Variants in DAAM1 observed in about 807,000 individuals in gnomAD.
The protein encoded by DAAM1 is dishevelled associated activator of morphogenesis 1.
DAAM1 carries 52 observed loss-of-function variants against 130.0 expected under a neutral mutation model. That is an observed-to-expected ratio of 0.40 (90% CI 0.32 to 0.50). The LOEUF is 0.50. Among genes scored for constraint, DAAM1 ranks in the 20% least tolerant of loss-of-function variants. The pLI is 0.61. For synonymous variants in DAAM1, 452 were observed against 444.5 expected (o/e 1.02, Z -0.21); for missense variants, 1,134 against 1,303.8 (o/e 0.87, Z 2.01).
intron 17 of DAAM1, 45 bp downstream of exon 17, chr14:59,347,668 T>A: frequency 6.3e-7 from 1 of 1,576,206 alleles, no homozygotes; most frequent in South Asian, 1.1e-5. Context: ...AAAGCGACCA[T>A]CAACAGGGAG....
At chr14:59,315,006 T>G (rs1487231098) in intron 3 of DAAM1, among the ~76,000 whole-genome samples, 2 of 152,178 alleles carry the variant, frequency 1.3e-5, no homozygotes, top group African/African-American at 2.4e-5. Context: ...TTACACCACT[T>G]AAATTCTTCT....
At chr14:59,246,916 G>T (rs1881407642) in intron 1 of DAAM1, among the ~76,000 whole-genome samples, 1 of 152,004 alleles carries the variant, frequency 6.6e-6, no homozygotes. Flanking sequence ...GTTTTTTGTT[G>T]TTGGATTGTA....
intron 3 of DAAM1, among the ~76,000 whole-genome samples, chr14:59,298,098 T>C (rs541862617): frequency 6.6e-6 from 1 of 152,288 alleles, no homozygotes; most frequent in Admixed American, 6.5e-5. Flanking sequence ...AAAAATAAAA[T>C]TGTTCTGTTT....
At chr14:59,277,964 C>G (rs184829805) in intron 2 of DAAM1, among the ~76,000 whole-genome samples, 1 of 152,022 alleles carries the variant, frequency 6.6e-6, no homozygotes, top group Non-Finnish European at 1.5e-5. Context: ...TAGTACTGAA[C>G]GCTATATATA....
chr14:59,281,008 C>T lies in DAAM1; in HGVS notation c.184-10209C>T, dbSNP rs1883191230. 1.3e-5 allele frequency among the ~76,000 whole-genome samples: 2 copies of T among 150,914 alleles called. 1 individual carries two copies. Among genetic ancestry groups the T allele is most frequent in the South Asian group, 4.2e-4 (2 of 4,706 alleles). On this transcript the variant is annotated intron_variant, in intron 2 of 24. Coordinates refer to ENST00000360909, the MANE Select transcript of DAAM1 (RefSeq NM_001270520.2). ...TTCAGAATGCAAATATAACCTGTCACCTTCCCCTCACCAGACATTTCCTGC... is the reference window on the plus strand; with the variant it reads ...TTCAGAATGCAAATATAACCTGTCATCTTCCCCTCACCAGACATTTCCTGC...
chr14:59,312,310 A>G (rs1884629890), intron 3 of DAAM1, among the ~76,000 whole-genome samples: 1 of 152,198 alleles, frequency 6.6e-6, no homozygotes, highest in Non-Finnish European at 1.5e-5. Flanking sequence ...TGTTTTGTGT[A>G]TACTCTTCCC....
intron 12 of DAAM1, among the ~76,000 whole-genome samples, chr14:59,328,624 C>A (rs1177714387): frequency 6.6e-6 from 1 of 152,206 alleles, no homozygotes; most frequent in Non-Finnish European, 1.5e-5. Context: ...CCAGTCTCGA[C>A]CTTTGCAACC....
At chr14:59,319,726 A>G (rs1457789440) in intron 4 of DAAM1, among the ~76,000 whole-genome samples, 1 of 152,150 alleles carries the variant, frequency 6.6e-6, no homozygotes, top group Non-Finnish European at 1.5e-5. Flanking sequence ...TCAATTTTAT[A>G]ATAACAACTG....
intron 2 of DAAM1, among the ~76,000 whole-genome samples, chr14:59,283,356 TCA>T (rs1480952982): frequency 1.3e-5 from 2 of 152,182 alleles, no homozygotes; most frequent in African/African-American, 4.8e-5. Context: ...AATAATTACT[TCA>T]CATATATAAT....
At chr14:59,248,280 A>G (rs1881483669) in intron 1 of DAAM1, among the ~76,000 whole-genome samples, 1 of 151,790 alleles carries the variant, frequency 6.6e-6, no homozygotes, top group Admixed American at 6.6e-5. Flanking sequence ...CTTCCTTCAC[A>G]TTTCCCTCTT....
At chr14:59,229,592 C>T (rs1889042848) in intron 1 of DAAM1, among the ~76,000 whole-genome samples, 1 of 152,118 alleles carries the variant, frequency 6.6e-6, no homozygotes, top group Non-Finnish European at 1.5e-5. Context: ...ATTCTACTCT[C>T]ATTTTTGAAG....
intron 2 of DAAM1, among the ~76,000 whole-genome samples, chr14:59,266,685 G>T (rs1882457921): frequency 6.6e-6 from 1 of 152,230 alleles, no homozygotes; most frequent in African/African-American, 2.4e-5. Context: ...CCAATTGTAA[G>T]GGGTGGCCTG....
intron 16 of DAAM1, among the ~76,000 whole-genome samples, chr14:59,343,082 C>T (rs1332871419): frequency 2.6e-5 from 4 of 152,194 alleles, no homozygotes; most frequent in African/African-American, 9.7e-5. Flanking sequence ...AGCAGCCCTG[C>T]AGCGGCTTGT....
At chr14:59,355,131 T>G (rs1159886648) in intron 19 of DAAM1, 34 bp from the exon 20 acceptor site, 1 of 1,594,260 alleles carries the variant, frequency 6.3e-7, no homozygotes, top group Non-Finnish European at 8.6e-7. Context: ...ACGAAACACT[T>G]GGTAATCATG....
chr14:59,210,102 A>G (rs1888382371), intron 1 of DAAM1, among the ~76,000 whole-genome samples: 1 of 152,088 alleles, frequency 6.6e-6, no homozygotes, highest in Admixed American at 6.5e-5. Context: ...TGATACAGCC[A>G]GTGCACCCCA....
At chr14:59,349,747 C>T (rs1475924165) in intron 17 of DAAM1, among the ~76,000 whole-genome samples, 1 of 152,218 alleles carries the variant, frequency 6.6e-6, no homozygotes, top group South Asian at 2.1e-4. Flanking sequence ...ATTTGCTTGA[C>T]TCCTGATCCT....
intron 1 of DAAM1, among the ~76,000 whole-genome samples, chr14:59,241,807 G>A (rs1881131601): frequency 6.6e-6 from 1 of 152,042 alleles, no homozygotes; most frequent in African/African-American, 2.4e-5. Context: ...TCTAGACTTG[G>A]GAGTTACGTG....
chr14:59,340,672 T>G (rs1256042493), intron 16 of DAAM1, among the ~76,000 whole-genome samples: 1 of 152,248 alleles, frequency 6.6e-6, no homozygotes, highest in East Asian at 1.9e-4. Flanking sequence ...CGTGAAAAGC[T>G]AATTTATCCA....
intron 1 of DAAM1, among the ~76,000 whole-genome samples, chr14:59,202,532 T>G (rs1391280001): frequency 6.6e-6 from 1 of 152,194 alleles, no homozygotes; most frequent in Admixed American, 6.5e-5. Context: ...TTAAAAAATG[T>G]TTTTAGTGTT....
Sources: gnomAD v4.1 joint callset for allele counts (sites outside exome capture counted in the v4.1 genomes callset) on GRCh38, gnomAD v4.1.1 for gene constraint, MANE v1.5 for transcripts, NCBI Gene and HGNC (gene_info 2026-07-23, HGNC 2026-07-21) for gene names.